Variants in TMEM123 observed in about 807,000 individuals in gnomAD.
TMEM123 encodes the protein transmembrane protein 123.
TMEM123 carries 16 observed loss-of-function variants against 19.7 expected under a neutral mutation model. The ratio of observed to expected loss-of-function variants is 0.81; its 90% confidence interval spans 0.55 to 1.23. The LOEUF is 1.23. TMEM123 is among the 50% of genes most tolerant of loss of function. The probability of loss-of-function intolerance (pLI) is 0.00; values close to 1 mark genes in which losing one functional copy is unlikely to be tolerated. For missense variants in TMEM123, 313 were observed against 257.8 expected (o/e 1.21, Z -1.47); for synonymous variants, 118 against 99.4 (o/e 1.19, Z -1.12).
chr11:102,405,343 T>C (rs764854251), intron 2 of TMEM123, among the ~76,000 whole-genome samples: 11 of 152,148 alleles, frequency 7.2e-5, no homozygotes, highest in Admixed American at 1.3e-4. Flanking sequence ...TGAGCCACCG[T>C]GCCCGGCCTG....
intron 2 of TMEM123, among the ~76,000 whole-genome samples, chr11:102,436,002 C>T (rs1312098789): frequency 6.6e-6 from 1 of 151,552 alleles, no homozygotes; most frequent in African/African-American, 2.4e-5. Flanking sequence ...GGACTGTACA[C>T]TTGAAATGGG....
At chr11:102,405,048 CTTT>C in intron 2 of TMEM123, among the ~76,000 whole-genome samples, 1 of 150,646 alleles carries the variant, frequency 6.6e-6, no homozygotes, top group South Asian at 2.1e-4. Context: ...GACCTATTTT[CTTT>C]TTTCTTTTTT....
intron 2 of TMEM123, among the ~76,000 whole-genome samples, chr11:102,438,143 A>C (rs672503): frequency 2.6e-5 from 4 of 152,122 alleles, no homozygotes; most frequent in South Asian, 4.1e-4. Flanking sequence ...AATCTCTGCC[A>C]CCCGGGATCA....
intron 2 of TMEM123, among the ~76,000 whole-genome samples, chr11:102,405,085 G>C (rs1333723287): frequency 6.7e-6 from 1 of 149,226 alleles, no homozygotes; most frequent in Non-Finnish European, 1.5e-5. Flanking sequence ...GTCTTGCTCT[G>C]TTGCCCAGGC....
chr11:102,438,912 C>T (rs568518788), intron 2 of TMEM123, among the ~76,000 whole-genome samples: 1 of 152,202 alleles, frequency 6.6e-6, no homozygotes, highest in African/African-American at 2.4e-5. Context: ...TTCCAATGGT[C>T]TTAGCAAATG....
intron 2 of TMEM123, among the ~76,000 whole-genome samples, chr11:102,426,579 A>G (rs577302667): frequency 6.6e-6 from 1 of 152,164 alleles, no homozygotes; most frequent in Non-Finnish European, 1.5e-5. Flanking sequence ...AAGATTTTAC[A>G]AACAAAACAA....
intron 2 of TMEM123, among the ~76,000 whole-genome samples, chr11:102,425,795 C>CTGG (rs1288781065): frequency 6.6e-6 from 1 of 151,876 alleles, no homozygotes; most frequent in Non-Finnish European, 1.5e-5. Flanking sequence ...GTTGTGCAGG[C>CTGG]TGGTCTTAAC....
chr11:102,425,582 T>TC (rs1249345334), intron 2 of TMEM123, among the ~76,000 whole-genome samples: 36 of 148,788 alleles, frequency 2.4e-4, no homozygotes, highest in Non-Finnish European at 4.8e-4. Flanking sequence ...TTTTCTTTTT[T>TC]CTTTTTTTTT....
intron 2 of TMEM123, among the ~76,000 whole-genome samples, chr11:102,446,407 T>C (rs976601500): frequency 2.6e-5 from 4 of 152,236 alleles, no homozygotes. Flanking sequence ...TGTAACTCAG[T>C]GGTACATTGG....
At chr11:102,440,568 A>G (rs909382224) in intron 2 of TMEM123, among the ~76,000 whole-genome samples, 1 of 152,250 alleles carries the variant, frequency 6.6e-6, no homozygotes, top group Non-Finnish European at 1.5e-5. Flanking sequence ...CATGGAAAGG[A>G]ACAACCGTAC....
intron 2 of TMEM123, 73 bp from the exon 3 acceptor site, chr11:102,402,279 T>C (rs1457529205): frequency 2.7e-6 from 4 of 1,488,126 alleles, no homozygotes; most frequent in East Asian, 2.3e-5. Context: ...ACTGAGACTT[T>C]CATGGTCACA....
chr11:102,421,532 T>C (rs144876721), intron 2 of TMEM123, among the ~76,000 whole-genome samples: 1,973 of 151,078 alleles, frequency 0.013, 43 homozygotes, highest in African/African-American at 0.045. Flanking sequence ...AAAAAAAAAC[T>C]GTCTGCTCGA....
chr11:102,446,212 T>TG (rs1857881989), intron 2 of TMEM123, among the ~76,000 whole-genome samples: 1 of 152,220 alleles, frequency 6.6e-6, no homozygotes, highest in Non-Finnish European at 1.5e-5. Flanking sequence ...GTGTCTTCCT[T>TG]GCACTATAAA....
chr11:102,439,760 A>G (rs1857805010), intron 2 of TMEM123, among the ~76,000 whole-genome samples: 1 of 152,236 alleles, frequency 6.6e-6, no homozygotes, highest in Admixed American at 6.5e-5. Context: ...CTCCCGAGCT[A>G]AAGGAGGATG....
intron 4 of TMEM123, among the ~76,000 whole-genome samples, chr11:102,399,541 T>TAATA (rs1346177997): frequency 5.9e-5 from 9 of 152,326 alleles, no homozygotes; most frequent in African/African-American, 2.2e-4. Flanking sequence ...ACCACCACCT[T>TAATA]AATATTCTTT....
intron 2 of TMEM123, among the ~76,000 whole-genome samples, chr11:102,411,176 G>A (rs886736272): frequency 6.6e-6 from 1 of 152,046 alleles, no homozygotes; most frequent in Admixed American, 6.6e-5. Flanking sequence ...GGTGATTAGC[G>A]GGTTGGAAGT....
intron 4 of TMEM123, 32 bp downstream of exon 4, chr11:102,401,507 T>C: frequency 6.5e-7 from 1 of 1,526,988 alleles, no homozygotes; most frequent in Non-Finnish European, 8.7e-7. Flanking sequence ...CCAACAATTT[T>C]TTTTAAAAAG....
chr11:102,414,213 A>C (rs2135849075), intron 2 of TMEM123, among the ~76,000 whole-genome samples: 1 of 152,314 alleles, frequency 6.6e-6, no homozygotes, highest in South Asian at 2.1e-4. Flanking sequence ...AAGAGACAAA[A>C]ACCTACAACT....
At chr11:102,451,874 C>G (rs1032199537) in intron 1 of TMEM123, among the ~76,000 whole-genome samples, 6 of 152,264 alleles carry the variant, frequency 3.9e-5, no homozygotes, top group African/African-American at 1.4e-4. Context: ...TGCCGCGCGC[C>G]TCGGCCGGGT....
Sources: allele counts gnomAD v4.1 joint callset (sites outside exome capture counted in the v4.1 genomes callset), GRCh38; gene constraint gnomAD v4.1.1; transcripts MANE v1.5; gene names NCBI Gene and HGNC (gene_info 2026-07-23, HGNC 2026-07-21).